Variants in MEGF11 observed in about 807,000 individuals in gnomAD.
MEGF11 encodes multiple epidermal growth factor-like domains protein 11.
MEGF11 carries 126 observed loss-of-function variants against 146.6 expected under a neutral mutation model. That is an observed-to-expected ratio of 0.86 (90% CI 0.74 to 1.00). MEGF11 has a LOEUF of 1.00. Ranked by LOEUF, MEGF11 falls within the 50% of genes least tolerant of loss-of-function variation. The pLI is 0.00. For synonymous variants in MEGF11, 532 were observed against 583.4 expected (o/e 0.91, Z 1.27); for missense variants, 1,509 against 1,521.2 (o/e 0.99, Z 0.13).
chr15:66,025,609 A>C (rs2083301332), intron 5 of MEGF11, among the ~76,000 whole-genome samples: 1 of 151,326 alleles, frequency 6.6e-6, no homozygotes, highest in Non-Finnish European at 1.5e-5. Flanking sequence ...ATAATATGGG[A>C]ATGATGATGA....
Position 65,965,322 on chromosome 15 carries a change from G to A in MEGF11, c.900-202C>T, listed in dbSNP as rs1596920818. 1.2e-5 allele frequency: 6 copies of A among 498,472 alleles called. No homozygotes were observed. The East Asian group carries it at 1.6e-4, about 13-fold the overall frequency. 30.9% of individuals were successfully genotyped at this position (498,472 alleles called of 1,614,324 possible). On this transcript the variant is annotated intron_variant, in intron 8 of 25. Transcript: ENST00000395614. Reference sequence around the variant, plus strand: ...CGCCCCAGTCATTTCTGCCTTTCATGCCAGGTCGGCTCAGTCCCCCCAGCA... The same window carrying A: ...CGCCCCAGTCATTTCTGCCTTTCATACCAGGTCGGCTCAGTCCCCCCAGCA...
At chr15:66,091,893 T>C (rs760212477) in intron 5 of MEGF11, among the ~76,000 whole-genome samples, 1 of 152,144 alleles carries the variant, frequency 6.6e-6, no homozygotes, top group Non-Finnish European at 1.5e-5. Context: ...GAAGAAACAC[T>C]TGGGGAGGAA....
intron 5 of MEGF11, among the ~76,000 whole-genome samples, chr15:66,024,883 G>A (rs974053212): frequency 6.6e-6 from 1 of 152,196 alleles, no homozygotes; most frequent in African/African-American, 2.4e-5. Flanking sequence ...GAGGCGAACT[G>A]GGTCCTGCTG....
rs574475846 is a variant in MEGF11, at chr15:65,919,429, C to G, written c.1958-1335G>C. On this transcript the variant is annotated intron_variant, in intron 15 of 25. Coordinates refer to ENST00000395614, the MANE Select transcript of MEGF11 (RefSeq NM_001385028.1). ...GCAAGTCACACAAATGTTTTGGTTT[C>G]CCAGAGCATACAAAAGTTATGTTTA... Among the ~76,000 whole-genome samples, 4 of 152,300 alleles carry G rather than the reference C, an allele frequency of 2.6e-5. No individual in the cohort carries two copies. In the South Asian group the frequency reaches 8.3e-4, roughly 32 times the overall value.
chr15:66,146,595 G>A (rs2089380855), intron 1 of MEGF11, among the ~76,000 whole-genome samples: 1 of 152,242 alleles, frequency 6.6e-6, no homozygotes, highest in African/African-American at 2.4e-5. Flanking sequence ...TCCCACAGAG[G>A]CCTCTATCCT....
At chr15:65,989,661 C>T (rs2081971681) in intron 5 of MEGF11, among the ~76,000 whole-genome samples, 1 of 152,246 alleles carries the variant, frequency 6.6e-6, no homozygotes, top group Admixed American at 6.5e-5. Context: ...GAGCCCCTTG[C>T]TCTTTCCAGG....
chr15:66,064,368 G>GA (rs1011928664), intron 5 of MEGF11, among the ~76,000 whole-genome samples: 144 of 151,860 alleles, frequency 9.5e-4, no homozygotes, highest in African/African-American at 3.3e-3. Flanking sequence ...GACTCTGTTT[G>GA]AAAAAAAGAA....
chr15:66,098,686 G>A (rs899562390), intron 4 of MEGF11, among the ~76,000 whole-genome samples: 4 of 152,144 alleles, frequency 2.6e-5, no homozygotes, highest in African/African-American at 9.7e-5. Context: ...CTTGGCAAGA[G>A]GTCTCAGATC....
At position 65,958,272 on chromosome 15, in the gene MEGF11, C is replaced by T. The variant is rs2080728899; in HGVS notation, c.1113-551G>A. Among the ~76,000 whole-genome samples, 4 of 152,330 alleles carry T rather than the reference C, an allele frequency of 2.6e-5. No homozygotes were observed. The South Asian group carries it at 8.3e-4, about 32-fold the overall frequency. On this transcript the variant is annotated intron_variant, in intron 9 of 25. Coordinates refer to ENST00000395614, the MANE Select transcript of MEGF11 (RefSeq NM_001385028.1). ...AATGTCTGCCCTGGAGAGAGCAACCCCAACCTACGCTTTGCCAGGCTCTTT... is the reference window on the plus strand; with the variant it reads ...AATGTCTGCCCTGGAGAGAGCAACCTCAACCTACGCTTTGCCAGGCTCTTT...
chr15:66,004,128 C>T (rs556265311), intron 5 of MEGF11, among the ~76,000 whole-genome samples: 129 of 152,232 alleles, frequency 8.5e-4, no homozygotes, highest in Non-Finnish European at 4.9e-4. Flanking sequence ...ACCTGTAAAA[C>T]GGACATACCA....
chr15:65,953,225 C>T (rs777826173), intron 10 of MEGF11, among the ~76,000 whole-genome samples: 3 of 152,228 alleles, frequency 2.0e-5, no homozygotes, highest in Non-Finnish European at 4.4e-5. Flanking sequence ...CTTTGAACTT[C>T]TCATATAATG....
intron 1 of MEGF11, among the ~76,000 whole-genome samples, chr15:66,240,612 T>C (rs2092191171): frequency 1.3e-5 from 2 of 152,368 alleles, no homozygotes; most frequent in African/African-American, 4.8e-5. Flanking sequence ...CCTTGTTCAT[T>C]TGAGTTTCAC....
chr15:65,923,958 T>A (rs1422297810), intron 13 of MEGF11, among the ~76,000 whole-genome samples: 2 of 152,134 alleles, frequency 1.3e-5, no homozygotes, highest in Admixed American at 1.3e-4. Flanking sequence ...CCCAGGAGAT[T>A]GGCTTGGCTT....
Position 65,970,622 on chromosome 15 carries a change from C to T in MEGF11, c.830G>A (p.Cys277Tyr). 1 of 1,613,788 alleles carries T rather than the reference C, an allele frequency of 6.2e-7. No homozygotes were observed. The highest frequency in any genetic ancestry group is 8.5e-7 in the Non-Finnish European group (1 of 1,179,794). ...FGQNCSQDCP[C>Y]HHGGQCDHVT... Reference sequence around the variant, plus strand: ...GTGGTCACACTGCCCTCCATGGTGGCAAGGACAATCCTGGCTGCAGTTCTG... The same window carrying T: ...GTGGTCACACTGCCCTCCATGGTGGTAAGGACAATCCTGGCTGCAGTTCTG... The change falls in exon 8 of 26, where the codon TGC (cysteine) becomes TAC (tyrosine). Residue 277 changes from cysteine to tyrosine, a missense_variant. Coordinates refer to ENST00000395614, the MANE Select transcript of MEGF11 (RefSeq NM_001385028.1).
Position 65,922,385 on chromosome 15 carries a change from C to A in MEGF11, c.1910G>T (p.Gly637Val). The A allele has an allele frequency of 6.2e-7, 1 of 1,602,206 alleles. No individual in the cohort carries two copies. Among genetic ancestry groups the A allele is most frequent in the South Asian group, 1.1e-5 (1 of 88,250 alleles). The change falls in exon 15 of 26, where the codon GGC becomes GTC. Residue 637 changes from glycine (G) to valine (V), a missense_variant. Coordinates refer to ENST00000395614, the MANE Select transcript of MEGF11 (RefSeq NM_001385028.1). The stretch of plus-strand genomic sequence containing the variant: ...GAATCCTGGGAGGCACTCACAGATG[C>A]CGCTGATGTGGTGGCAGGGCCTGCT... The part of the protein sequence containing the change: ...HSSRPCHHIS[G>V]ICECLPGFSG...
At chr15:66,078,454 G>T (rs4776719) in intron 5 of MEGF11, among the ~76,000 whole-genome samples, 28,991 of 152,196 alleles carry the variant, frequency 0.19, 2,983 homozygotes, top group East Asian at 0.4. Flanking sequence ...TGCGTCAGGA[G>T]GAAAGGAGGT....
intron 8 of MEGF11, among the ~76,000 whole-genome samples, chr15:65,966,539 G>A (rs2081105056): frequency 6.6e-6 from 1 of 152,152 alleles, no homozygotes. Flanking sequence ...CCTGACTGCG[G>A]ATTTTCCCTC....
chr15:65,913,458 C>T (rs1005590975), intron 20 of MEGF11: 24 of 551,566 alleles, frequency 4.4e-5, no homozygotes, highest in African/African-American at 4.3e-4. Flanking sequence ...TGTGGGTGCT[C>T]CTGAGGCCGA....
At chr15:66,069,288 C>G (rs182954276) in intron 5 of MEGF11, among the ~76,000 whole-genome samples, 1 of 152,184 alleles carries the variant, frequency 6.6e-6, no homozygotes, top group Non-Finnish European at 1.5e-5. Context: ...ATATGTGATG[C>G]TTTTCTCTTT....
Sources: gnomAD v4.1 joint callset for allele counts (sites outside exome capture counted in the v4.1 genomes callset) on GRCh38, gnomAD v4.1.1 for gene constraint, MANE v1.5 for transcripts, NCBI Gene and HGNC (gene_info 2026-07-23, HGNC 2026-07-21) for gene names.